Variants in TRIO observed in about 807,000 individuals in gnomAD.
TRIO encodes the protein trio Rho guanine nucleotide exchange factor, also known as triple functional domain protein.
A neutral mutation model predicts 351.9 loss-of-function variants in TRIO; 58 were observed. That is an observed-to-expected ratio of 0.16 (90% CI 0.13 to 0.21). TRIO has a LOEUF of 0.21. TRIO is among the 10% of genes least tolerant of loss of function. The pLI is 1.00. For synonymous variants in TRIO, 1,758 were observed against 1,595.7 expected (o/e 1.10, Z -2.42); for missense variants, 3,201 against 4,027.8 (o/e 0.79, Z 5.56).
At chr5:14,282,278 G>T (rs1736071570) in intron 3 of TRIO, among the ~76,000 whole-genome samples, 1 of 152,062 alleles carries the variant, frequency 6.6e-6, no homozygotes, top group African/African-American at 2.4e-5. Context: ...TACTTACTAA[G>T]CTTTGACTAT....
intron 11 of TRIO, among the ~76,000 whole-genome samples, chr5:14,353,807 G>C (rs1451807751): frequency 6.6e-6 from 1 of 152,238 alleles, no homozygotes; most frequent in African/African-American, 2.4e-5. Flanking sequence ...GGCTGTTGCA[G>C]TGGAGTTGCA....
chr5:14,290,361 T>G (rs1259195676), intron 4 of TRIO, among the ~76,000 whole-genome samples: 1 of 152,246 alleles, frequency 6.6e-6, no homozygotes, highest in African/African-American at 2.4e-5. Flanking sequence ...AATTGTTTGC[T>G]CTGAACTTGC....
At chr5:14,184,093 C>A in intron 1 of TRIO, 1 of 614,694 alleles carries the variant, frequency 1.6e-6, no homozygotes. Context: ...GCAGCCATGA[C>A]AGAGAATGTT....
At chr5:14,301,779 G>T (rs1053500411) in intron 7 of TRIO, among the ~76,000 whole-genome samples, 1 of 152,150 alleles carries the variant, frequency 6.6e-6, no homozygotes, top group Non-Finnish European at 1.5e-5. Context: ...TCGGAACGGG[G>T]ATTGCTGTGC....
At chr5:14,198,184 T>A (rs527718901) in intron 1 of TRIO, among the ~76,000 whole-genome samples, 1 of 152,354 alleles carries the variant, frequency 6.6e-6, no homozygotes, top group Admixed American at 6.5e-5. Context: ...GTTTTAGCCA[T>A]AAATATAAAT....
chr5:14,411,265 C>A (rs1222900809), intron 33 of TRIO, among the ~76,000 whole-genome samples: 1 of 152,150 alleles, frequency 6.6e-6, no homozygotes, highest in Admixed American at 6.5e-5. Flanking sequence ...AAAATTTTTT[C>A]CCTGTCTCTT....
chr5:14,206,553 A>G (rs1333454233), intron 1 of TRIO, among the ~76,000 whole-genome samples: 1 of 152,188 alleles, frequency 6.6e-6, no homozygotes, highest in African/African-American at 2.4e-5. Context: ...CTGAGGTCCC[A>G]GCAGCCTCTT....
intron 11 of TRIO, among the ~76,000 whole-genome samples, chr5:14,355,425 G>C (rs530882359): frequency 8.5e-5 from 13 of 152,312 alleles, no homozygotes; most frequent in Admixed American, 3.9e-4. Context: ...TCTTTCATCT[G>C]CTCCTCGTAG....
intron 1 of TRIO, among the ~76,000 whole-genome samples, chr5:14,223,564 C>T (rs898231826): frequency 6.6e-6 from 1 of 152,100 alleles, no homozygotes; most frequent in Non-Finnish European, 1.5e-5. Context: ...AATCTTATTA[C>T]GTAAAGAAAC....
chr5:14,405,924 A>G lies in TRIO; in HGVS notation c.4793A>G (p.Lys1598Arg), dbSNP rs1257363066. ...ATCCAGGAGCGGACGATCCACCTGA[A>G]GGGAGCCCTGAAGGAGCCCATTCAC... ...EVIQERTIHL[K>R]GALKEPIHIP... The change falls in exon 32 of 57, where the codon AAG becomes AGG. Residue 1598 changes from lysine to arginine, a missense_variant. Lys to Arg is a conservative substitution (Grantham distance 26, BLOSUM62 2). Coordinates refer to ENST00000344204, the MANE Select transcript of TRIO (RefSeq NM_007118.4). The G allele has an allele frequency of 6.2e-7, 1 of 1,613,494 alleles. No homozygotes were observed. Among genetic ancestry groups the G allele is most frequent in the Admixed American group, 1.7e-5 (1 of 59,974 alleles).
At chr5:14,491,705 G>T (rs552394156) in intron 48 of TRIO, among the ~76,000 whole-genome samples, 1 of 152,320 alleles carries the variant, frequency 6.6e-6, no homozygotes, top group East Asian at 1.9e-4. Flanking sequence ...CTCACCATAT[G>T]TTGAGTTCCT....
chr5:14,500,906 A>C (rs929050475), intron 53 of TRIO, among the ~76,000 whole-genome samples: 3 of 151,176 alleles, frequency 2.0e-5, no homozygotes, highest in East Asian at 1.9e-4. Flanking sequence ...AAAAAAAAAA[A>C]AAAAAAACAC....
chr5:14,434,548 T>C (rs1751434387), intron 34 of TRIO, among the ~76,000 whole-genome samples: 1 of 152,092 alleles, frequency 6.6e-6, no homozygotes, highest in Non-Finnish European at 1.5e-5. Flanking sequence ...GTGACAAAAA[T>C]AGTTCAGAGA....
chr5:14,236,968 C>A (rs1042468789), intron 1 of TRIO, among the ~76,000 whole-genome samples: 2 of 152,172 alleles, frequency 1.3e-5, no homozygotes, highest in Admixed American at 1.3e-4. Context: ...CTCAGCCTCT[C>A]CTGTTACACT....
At chr5:14,316,904 G>A (rs1451757648) in intron 9 of TRIO, among the ~76,000 whole-genome samples, 161 bp downstream of exon 9, 14 of 152,202 alleles carry the variant, frequency 9.2e-5, no homozygotes, top group Non-Finnish European at 1.9e-4. Flanking sequence ...GCTTAGGAAC[G>A]CGTGTTCAGG....
At chr5:14,478,264 A>G (rs1424020445) in intron 41 of TRIO, among the ~76,000 whole-genome samples, 1 of 152,262 alleles carries the variant, frequency 6.6e-6, no homozygotes, top group Non-Finnish European at 1.5e-5. Context: ...TTACTCATCC[A>G]GGACATTCTT....
At chr5:14,387,200 G>C in intron 21 of TRIO, 1 of 452,300 alleles carries the variant, frequency 2.2e-6, no homozygotes, top group South Asian at 5.6e-5. Flanking sequence ...CTGAAAAATA[G>C]TCTAAGTTTA....
intron 56 of TRIO, 145 bp downstream of exon 56, chr5:14,507,405 G>C (rs1403117787): frequency 1.8e-6 from 2 of 1,092,806 alleles, no homozygotes; most frequent in Non-Finnish European, 2.5e-6. Flanking sequence ...GACACTGATT[G>C]CTAATCTCTC....
At chr5:14,230,089 G>C (rs1793308715) in intron 1 of TRIO, among the ~76,000 whole-genome samples, 1 of 152,232 alleles carries the variant, frequency 6.6e-6, no homozygotes, top group African/African-American at 2.4e-5. Flanking sequence ...GGTCCTTAGA[G>C]GGGTCCTATT....
Sources: gnomAD v4.1 joint callset for allele counts (sites outside exome capture counted in the v4.1 genomes callset) on GRCh38, gnomAD v4.1.1 for gene constraint, MANE v1.5 for transcripts, NCBI Gene and HGNC (gene_info 2026-07-23, HGNC 2026-07-21) for gene names.